Variants in CHCHD3 observed in about 807,000 individuals in gnomAD.
The protein encoded by CHCHD3 is MICOS complex subunit MIC19.
CHCHD3 carries 20 observed loss-of-function variants against 38.2 expected under a neutral mutation model. The observed-to-expected ratio is 0.52, with a 90% CI of 0.37 to 0.76. CHCHD3 has a LOEUF of 0.76. Among genes scored for constraint, CHCHD3 ranks in the 30% least tolerant of loss-of-function variants. CHCHD3 has a pLI of 0.00. For synonymous variants in CHCHD3, 82 were observed against 100.0 expected, an observed-to-expected ratio of 0.82 and a Z score of 1.07; for missense variants, 245 against 279.2, an observed-to-expected ratio of 0.88 and a Z score of 0.87.
intron 5 of CHCHD3, among the ~76,000 whole-genome samples, chr7:132,867,388 A>G (rs894753196): frequency 6.6e-6 from 1 of 152,218 alleles, no homozygotes; most frequent in Non-Finnish European, 1.5e-5. Flanking sequence ...TTACTTTTTA[A>G]AGCTTTATAA....
At chr7:132,819,942 C>A (rs572426487) in intron 6 of CHCHD3, among the ~76,000 whole-genome samples, 3 of 152,120 alleles carry the variant, frequency 2.0e-5, no homozygotes, top group Non-Finnish European at 4.4e-5. Flanking sequence ...AAAAGATCAG[C>A]CCAGGAGGTA....
intron 5 of CHCHD3, among the ~76,000 whole-genome samples, chr7:132,850,542 T>C (rs1200341898): frequency 1.3e-5 from 2 of 152,058 alleles, no homozygotes; most frequent in East Asian, 3.9e-4. Flanking sequence ...AAACCTTAGT[T>C]ACATTACCTC....
chr7:132,921,111 A>C (rs73162632), intron 4 of CHCHD3, among the ~76,000 whole-genome samples: 3,998 of 152,332 alleles, frequency 0.026, 80 homozygotes, highest in Non-Finnish European at 0.038. Flanking sequence ...AATATCATTA[A>C]GTATAGAACA....
chr7:133,031,680 T>C (rs1437297825), intron 2 of CHCHD3, among the ~76,000 whole-genome samples: 1 of 152,180 alleles, frequency 6.6e-6, no homozygotes, highest in African/African-American at 2.4e-5. Flanking sequence ...ATATAGGTCA[T>C]GGCCAATTTT....
intron 3 of CHCHD3, among the ~76,000 whole-genome samples, chr7:133,015,823 G>A (rs1048240224): frequency 4.6e-5 from 7 of 152,134 alleles, no homozygotes; most frequent in South Asian, 2.1e-4. Flanking sequence ...ATTAGCTCAC[G>A]GTTCTACAGG....
At chr7:132,814,382 A>G (rs1807147803) in intron 6 of CHCHD3, among the ~76,000 whole-genome samples, 1 of 152,166 alleles carries the variant, frequency 6.6e-6, no homozygotes, top group Admixed American at 6.5e-5. Flanking sequence ...AGCTTTAACC[A>G]CCAAAGGACA....
intron 2 of CHCHD3, among the ~76,000 whole-genome samples, chr7:133,068,072 C>A (rs1458391065): frequency 2.6e-5 from 4 of 151,492 alleles, no homozygotes; most frequent in Non-Finnish European, 5.9e-5. Context: ...GCCAAGATCA[C>A]GCCACTGCAC....
rs190322759 is a variant in CHCHD3, at chr7:132,878,643, T to C, written c.453+7019A>G. Among the ~76,000 whole-genome samples, 210 of 152,336 alleles carry C rather than the reference T, an allele frequency of 1.4e-3. 1 individual carries two copies. Among genetic ancestry groups the C allele is most frequent in the African/African-American group, 4.5e-3 (186 of 41,568 alleles). The stretch of plus-strand genomic sequence containing the variant: ...TAATTCTGTGAGATTTCCTGCAGTC[T>C]GTATGCAAATTGCTGCTGAAATCCA... On this transcript the variant is annotated intron_variant, in intron 5 of 7. Transcript: ENST00000262570.
rs115517786 is a variant in CHCHD3, at chr7:132,844,493, A to C, written c.454-6024T>G. On this transcript the variant is annotated intron_variant, in intron 5 of 7. Transcript: ENST00000262570. Reference sequence around the variant, plus strand: ...CATATTGTCCTGCCCCATAAACAGCAGAAAAAATACTTGACATGATTTGTC... The same window carrying C: ...CATATTGTCCTGCCCCATAAACAGCCGAAAAAATACTTGACATGATTTGTC... Among the ~76,000 whole-genome samples, 193 of 152,346 alleles carry C rather than the reference A, an allele frequency of 1.3e-3. 1 individual carries two copies. The highest frequency in any genetic ancestry group is 4.3e-3 in the African/African-American group (180 of 41,598).
At chr7:132,901,363 C>T (rs919722095) in intron 4 of CHCHD3, among the ~76,000 whole-genome samples, 11 of 152,180 alleles carry the variant, frequency 7.2e-5, no homozygotes, top group African/African-American at 2.2e-4. Flanking sequence ...AAAGCAACAG[C>T]GCACACAAGA....
intron 5 of CHCHD3, among the ~76,000 whole-genome samples, chr7:132,859,708 C>T (rs1282847728): frequency 6.6e-6 from 1 of 152,194 alleles, no homozygotes; most frequent in Non-Finnish European, 1.5e-5. Context: ...CCCCTTCAGT[C>T]CCTGTGGAGG....
At chr7:132,977,275 C>T (rs995833322) in intron 3 of CHCHD3, among the ~76,000 whole-genome samples, 1 of 152,234 alleles carries the variant, frequency 6.6e-6, no homozygotes, top group Non-Finnish European at 1.5e-5. Flanking sequence ...CCATCCCACA[C>T]TTGCTGAATC....
intron 2 of CHCHD3, chr7:133,034,849 C>G: frequency 6.2e-7 from 1 of 1,609,960 alleles, no homozygotes; most frequent in Non-Finnish European, 8.5e-7. Flanking sequence ...ATGACACTGG[C>G]GAAGGCATTC....
At chr7:132,925,729 A>G (rs1810361400) in intron 4 of CHCHD3, among the ~76,000 whole-genome samples, 1 of 152,174 alleles carries the variant, frequency 6.6e-6, no homozygotes, top group Admixed American at 6.6e-5. Flanking sequence ...AGAGAGGAAT[A>G]CCACATCGTA....
At chr7:132,953,864 T>C (rs1297948938) in intron 4 of CHCHD3, among the ~76,000 whole-genome samples, 1 of 152,190 alleles carries the variant, frequency 6.6e-6, no homozygotes, top group Non-Finnish European at 1.5e-5. Flanking sequence ...TTATGTGTGT[T>C]GTCTCCGTAT....
At chr7:132,992,303 A>G (rs1158176468) in intron 3 of CHCHD3, among the ~76,000 whole-genome samples, 1 of 151,946 alleles carries the variant, frequency 6.6e-6, no homozygotes, top group African/African-American at 2.4e-5. Context: ...GACCCTACCT[A>G]CTGGCACACT....
Position 132,786,662 on chromosome 7 carries a change from G to A in CHCHD3, c.661-1002C>T, listed in dbSNP as rs139044104. ...GTTTATCCATTCCCACCTGCCTCCC[G>A]CCAACCCGCACCCTTCCAGCCATCT... On this transcript the variant is annotated intron_variant, in intron 7 of 7. Transcript: ENST00000262570. Among the ~76,000 whole-genome samples, 494 of 152,128 alleles carry A rather than the reference G, an allele frequency of 3.2e-3. 3 individuals carry two copies. Among genetic ancestry groups the A allele is most frequent in the African/African-American group, 0.011 (462 of 41,504 alleles).
intron 6 of CHCHD3, among the ~76,000 whole-genome samples, chr7:132,821,683 T>C (rs764083216): frequency 6.6e-5 from 10 of 151,868 alleles, no homozygotes; most frequent in Non-Finnish European, 1.5e-4. Context: ...TACAAATAGA[T>C]GTATCATTAA....
intron 4 of CHCHD3, among the ~76,000 whole-genome samples, chr7:132,909,263 G>A (rs1562904534): frequency 6.6e-6 from 1 of 152,166 alleles, no homozygotes; most frequent in Non-Finnish European, 1.5e-5. Context: ...GGAGGCTGAA[G>A]CAGATGGATC....
Sources: gnomAD v4.1 joint callset for allele counts (sites outside exome capture counted in the v4.1 genomes callset) on GRCh38, gnomAD v4.1.1 for gene constraint, MANE v1.5 for transcripts, NCBI Gene and HGNC (gene_info 2026-07-23, HGNC 2026-07-21) for gene names.